The following MACF1 variants were observed in gnomAD, a reference collection of about 807,000 sequenced individuals.
MACF1 encodes microtubule actin crosslinking factor 1.
In MACF1, 193 loss-of-function variants were observed where a neutral mutation model predicts 854.8. The ratio of observed to expected loss-of-function variants is 0.23; its 90% CI spans 0.20 to 0.25. The LOEUF (loss-of-function observed/expected upper bound fraction) is 0.25. Ranked by LOEUF, MACF1 falls within the 10% of genes least tolerant of loss-of-function variation. The pLI is 1.00. For synonymous variants in MACF1, 3,185 were observed against 3,226.7 expected (o/e 0.99, Z 0.44); for missense variants, 7,722 against 8,929.1 (o/e 0.86, Z 5.45).
intron 35 of MACF1, among the ~76,000 whole-genome samples, chr1:39,326,680 CAAAAAAAA>C (rs57108021): frequency 1.4e-4 from 10 of 72,750 alleles, no homozygotes; most frequent in South Asian, 5.7e-4. Flanking sequence ...GACTCCATCT[CAAAAAAAA>C]AAAAAAAAAA....
intron 7 of MACF1, 34 bp downstream of exon 7, chr1:39,282,408 G>A: frequency 6.3e-7 from 1 of 1,585,532 alleles, no homozygotes. Context: ...CTCCTGCAGG[G>A]CTTTTTCTCA....
chr1:39,106,470 T>G (rs1391335348), intron 2 of MACF1, among the ~76,000 whole-genome samples: 1 of 152,156 alleles, frequency 6.6e-6, no homozygotes, highest in Non-Finnish European at 1.5e-5. Context: ...GGACTGCATT[T>G]CCCTAACTGC....
At position 39,382,266 on chromosome 1, in the gene MACF1, C is replaced by T. The variant is rs576139145; in HGVS notation, c.13848+114C>T. ...CAAGTCATTTAATCTCTCAGAGTCT[C>T]AGTTTAAATGAGGTATTTATAAGGT... On this transcript the variant is annotated intron_variant, in intron 56 of 100. Coordinates refer to ENST00000564288, the MANE Select transcript of MACF1 (RefSeq NM_001394062.1). The T allele has an allele frequency of 1.0e-4, 99 of 976,526 alleles. No individual in the cohort carries two copies. The South Asian group carries it at 1.4e-3, about 14-fold the overall frequency. The allele number at this position is 976,526 out of a possible 1,614,324, so 60.5% of individuals were successfully genotyped here.
Position 39,468,662 on chromosome 1 carries a change from C to T in MACF1, c.21819C>T (p.Thr7273=), listed in dbSNP as rs200044531. 127 of 1,614,122 alleles carry T rather than the reference C, an allele frequency of 7.9e-5. 1 individual carries two copies. Among genetic ancestry groups the T allele is most frequent in the South Asian group, 2.7e-4 (25 of 91,088 alleles). The change falls in exon 96 of 101, where the codon ACC becomes ACT. Residue 7273 remains threonine (T), a synonymous_variant. Coordinates refer to ENST00000564288, the MANE Select transcript of MACF1 (RefSeq NM_001394062.1). The part of the protein sequence containing the change: ...QLRLVRILRS[T]VMVRVGGGWM... ...GGCTGGTCCGTATTCTGCGCAGCAC[C>T]GTGATGGTTCGCGTTGGTGGAGGAT... is the stretch of plus-strand genomic sequence containing the variant.
intron 72 of MACF1, among the ~76,000 whole-genome samples, 179 bp from the exon 73 acceptor site, chr1:39,440,824 A>G (rs904509542): frequency 2.0e-5 from 3 of 152,186 alleles, no homozygotes; most frequent in East Asian, 1.9e-4. Context: ...TATATGTAAT[A>G]TATATTTTGT....
intron 19 of MACF1, 109 bp downstream of exon 19, chr1:39,295,259 A>C (rs1645876060): frequency 1.1e-6 from 1 of 880,030 alleles, no homozygotes. Flanking sequence ...AGTGTCAGGG[A>C]ACATTTGTCT....
chr1:39,377,864 C>A (rs912284443), intron 52 of MACF1, among the ~76,000 whole-genome samples: 2 of 151,854 alleles, frequency 1.3e-5, no homozygotes, highest in African/African-American at 4.8e-5. Context: ...ATTAGCCGGG[C>A]CTGGTGGCAG....
intron 22 of MACF1, among the ~76,000 whole-genome samples, chr1:39,301,582 C>G (rs1176989200): frequency 2.0e-5 from 3 of 148,376 alleles, no homozygotes; most frequent in Non-Finnish European, 3.0e-5. Context: ...TATGCCATCA[C>G]GCCCAGCTAA....
intron 2 of MACF1, among the ~76,000 whole-genome samples, chr1:39,102,440 G>GC (rs1218986779): frequency 6.6e-6 from 1 of 151,664 alleles, no homozygotes; most frequent in Non-Finnish European, 1.5e-5. Context: ...GAGGCGGGGG[G>GC]GGGGTCAAGG....
intron 2 of MACF1, among the ~76,000 whole-genome samples, chr1:39,111,628 G>T (rs930385387): frequency 6.6e-6 from 1 of 151,938 alleles, no homozygotes; most frequent in African/African-American, 2.4e-5. Flanking sequence ...TGATCTGCCC[G>T]CCTCGGCCTC....
At chr1:39,475,433 C>T (rs1644859888) in intron 97 of MACF1, among the ~76,000 whole-genome samples, 1 of 147,234 alleles carries the variant, frequency 6.8e-6, no homozygotes, top group Admixed American at 6.8e-5. Flanking sequence ...TGTGTCACTG[C>T]ACTCCAGCCT....
At chr1:39,243,030 C>T (rs1202003178) in intron 2 of MACF1, among the ~76,000 whole-genome samples, 1 of 152,182 alleles carries the variant, frequency 6.6e-6, no homozygotes, top group Admixed American at 6.5e-5. Context: ...ACATTATTTT[C>T]GAAAGCAACT....
At chr1:39,222,888 T>C (rs1179210719) in intron 1 of MACF1, among the ~76,000 whole-genome samples, 1 of 152,154 alleles carries the variant, frequency 6.6e-6, no homozygotes, top group Non-Finnish European at 1.5e-5. Context: ...TTTTGAATGG[T>C]TCGTAATGTA....
rs562586210 is a variant in MACF1, at chr1:39,084,997, C to G, written c.220+559C>G. Among the ~76,000 whole-genome samples, 4 of 152,270 alleles carry G rather than the reference C, an allele frequency of 2.6e-5. No homozygotes were observed. The highest frequency in any genetic ancestry group is 7.2e-5 in the African/African-American group (3 of 41,554). On this transcript the variant is annotated intron_variant, in intron 2 of 93. Coordinates refer to the MACF1 transcript ENST00000361689. The surrounding 1 kb of genome is among the most constrained non-coding windows in gnomAD (Gnocchi z 5.2). Reference sequence around the variant, plus strand: ...TCGCCTTCCAAAAGTGTTCTACATGCTGACCTTTCACACGACGTGAAGGCT... The same window carrying G: ...TCGCCTTCCAAAAGTGTTCTACATGGTGACCTTTCACACGACGTGAAGGCT...
intron 38 of MACF1, among the ~76,000 whole-genome samples, chr1:39,338,972 T>G (rs1646877004): frequency 6.6e-6 from 1 of 152,094 alleles, no homozygotes; most frequent in African/African-American, 2.4e-5. Flanking sequence ...AAATACAGAC[T>G]ATTTAGGAAA....
In MACF1 at chr1:39,332,605, T is replaced by A. The variant is rs1646746948; in HGVS notation, c.6017T>A (p.Val2006Asp). Reference protein sequence around the residue: ...DEYQTSPPKVVEIGHQRQKTP... With the variant: ...DEYQTSPPKVDEIGHQRQKTP... ...TATCAAACAAGTCCTCCAAAAGTGGTTGAAATTGGGCATCAAAGGCAAAAA... is the reference window on the plus strand; with the variant it reads ...TATCAAACAAGTCCTCCAAAAGTGGATGAAATTGGGCATCAAAGGCAAAAA... The change falls in exon 37 of 101, where the codon GTT becomes GAT. Residue 2006 changes from valine to aspartate, a missense_variant. Physicochemically the swap from Val to Asp is radical, Grantham distance 152. Around this residue, in one of 15 missense-constraint regions of MACF1, gnomAD observed 1,531 missense variants for 1,601.6 expected, o/e 0.96. Transcript: ENST00000564288. The A allele has an allele frequency of 1.2e-6, 2 of 1,613,940 alleles. No individual in the cohort carries two copies. Among genetic ancestry groups the A allele is most frequent in the South Asian group, 1.1e-5 (1 of 91,072 alleles).
chr1:39,337,233 T>A lies in MACF1; in HGVS notation c.10117T>A (p.Tyr3373Asn). The A allele has an allele frequency of 6.2e-7, 1 of 1,614,064 alleles. No individual in the cohort carries two copies. Among genetic ancestry groups the A allele is most frequent in the Non-Finnish European group, 8.5e-7 (1 of 1,179,956 alleles). Residue 3373 changes from tyrosine to asparagine, a missense_variant, in exon 38 of 101, where the codon TAT (tyrosine) becomes AAT (asparagine). Tyr to Asn is a moderately radical substitution (Grantham distance 143). Coordinates refer to ENST00000564288, the MANE Select transcript of MACF1 (RefSeq NM_001394062.1). The part of the protein sequence containing the change: ...CLEHDEKLVS[Y>N]LSLLRNIEMR... ...AGAACATGATGAAAAGCTAGTATCCTATCTGTCTCTGTTACGGAACATTGA... is the reference window on the plus strand; with the variant it reads ...AGAACATGATGAAAAGCTAGTATCCAATCTGTCTCTGTTACGGAACATTGA...
chr1:39,255,859 T>C (rs1365417348), intron 5 of MACF1, among the ~76,000 whole-genome samples: 2 of 151,968 alleles, frequency 1.3e-5, no homozygotes, highest in Non-Finnish European at 2.9e-5. Context: ...ACTGGCAGGG[T>C]TTATGAGAAG....
chr1:39,171,862 G>A (rs1643954086), intron 2 of MACF1, among the ~76,000 whole-genome samples: 1 of 152,266 alleles, frequency 6.6e-6, no homozygotes, highest in African/African-American at 2.4e-5. Flanking sequence ...TCCTGACCTC[G>A]TGATCCGCCC....
Sources: allele counts gnomAD v4.1 joint callset (sites outside exome capture counted in the v4.1 genomes callset), GRCh38; gene constraint gnomAD v4.1.1; regional missense constraint gnomAD v4.1.1; non-coding constraint Gnocchi (gnomAD v3.1); transcripts MANE v1.5; gene names NCBI Gene and HGNC (gene_info 2026-07-23, HGNC 2026-07-21).